Variants in TFDP1 observed in about 807,000 individuals in gnomAD.
TFDP1 encodes transcription factor Dp-1.
In TFDP1, 6 loss-of-function variants were observed where a neutral mutation model predicts 48.0. The observed-to-expected ratio is 0.13, with a 90% CI of 0.07 to 0.25. TFDP1 has a LOEUF of 0.25. TFDP1 is among the 10% of genes least tolerant of loss of function. The probability of loss-of-function intolerance (pLI) is 1.00; values close to 1 mark genes in which losing one functional copy is unlikely to be tolerated. For missense variants in TFDP1, 335 were observed against 543.0 expected, an observed-to-expected ratio of 0.62 and a Z score of 3.81; for synonymous variants, 201 against 211.6, an observed-to-expected ratio of 0.95 and a Z score of 0.44.
chr13:113,595,119 G>C (rs1041016927), intron 2 of TFDP1, among the ~76,000 whole-genome samples: 1 of 152,088 alleles, frequency 6.6e-6, no homozygotes, highest in Non-Finnish European at 1.5e-5. Context: ...GGTACGTTGG[G>C]GAGTCGTAGA....
At chr13:113,622,976 GGCCCTGCGGCCCTCCCCTTA>G (rs1566663788) in intron 3 of TFDP1, among the ~76,000 whole-genome samples, 184 bp from the exon 4 acceptor site, 1 of 152,268 alleles carries the variant, frequency 6.6e-6, no homozygotes, top group South Asian at 2.1e-4. Context: ...GCGTCAGCGC[GGCCCTGCGGCCCTCCCCTTA>G]CGGGTTTACA....
At chr13:113,597,716 G>A (rs536593686) in intron 2 of TFDP1, among the ~76,000 whole-genome samples, 26 of 152,344 alleles carry the variant, frequency 1.7e-4, no homozygotes, top group Non-Finnish European at 3.1e-4. Flanking sequence ...AGGCCTGGGC[G>A]CTGTGTAAGA....
intron 2 of TFDP1, among the ~76,000 whole-genome samples, chr13:113,596,168 A>G (rs572087804): frequency 3.9e-5 from 6 of 152,358 alleles, no homozygotes; most frequent in African/African-American, 1.4e-4. Context: ...AGAAAAATCA[A>G]GGCTTGAATG....
chr13:113,616,203 C>CA (rs759656354), intron 3 of TFDP1, among the ~76,000 whole-genome samples: 3,773 of 74,946 alleles, frequency 0.05, 110 homozygotes, highest in East Asian at 0.17. Flanking sequence ...ACTCTGTCTC[C>CA]AAAAAAAAAA....
At chr13:113,617,043 T>C (rs2048875988) in intron 3 of TFDP1, among the ~76,000 whole-genome samples, 1 of 152,018 alleles carries the variant, frequency 6.6e-6, no homozygotes, top group Non-Finnish European at 1.5e-5. Flanking sequence ...CTTTGTGTGT[T>C]TGTATAGAGA....
intron 10 of TFDP1, among the ~76,000 whole-genome samples, chr13:113,637,452 C>T (rs191376791): frequency 6.6e-6 from 1 of 152,340 alleles, no homozygotes; most frequent in East Asian, 1.9e-4. Flanking sequence ...GCCTCTGTCC[C>T]GTGCTTCATG....
chr13:113,631,357 C>T (rs775388164), intron 4 of TFDP1, among the ~76,000 whole-genome samples: 4 of 152,134 alleles, frequency 2.6e-5, no homozygotes, highest in Non-Finnish European at 4.4e-5. Flanking sequence ...TTGCTTGGGT[C>T]GTCCGAAGTT....
chr13:113,599,259 G>A (rs116372829), intron 2 of TFDP1, among the ~76,000 whole-genome samples: 1,949 of 152,144 alleles, frequency 0.013, 42 homozygotes, highest in African/African-American at 0.045. Flanking sequence ...GAGAGATTGT[G>A]CTGGTGCCTC....
intron 4 of TFDP1, among the ~76,000 whole-genome samples, chr13:113,625,913 GTC>G (rs1381468606): frequency 7.2e-6 from 1 of 139,616 alleles, no homozygotes; most frequent in East Asian, 2.2e-4. Flanking sequence ...GTCCTCAGGT[GTC>G]TCTCACGTGT....
intron 2 of TFDP1, among the ~76,000 whole-genome samples, chr13:113,604,178 AG>A: frequency 6.7e-6 from 1 of 150,348 alleles, no homozygotes; most frequent in African/African-American, 2.5e-5. Context: ...AAAAAAAAAA[AG>A]GCAAATTAAA....
chr13:113,604,920 A>G (rs373190590), intron 2 of TFDP1, among the ~76,000 whole-genome samples: 1 of 152,100 alleles, frequency 6.6e-6, no homozygotes, highest in East Asian at 1.9e-4. Context: ...AGCCCATGTG[A>G]GGAGGTTGTG....
intron 4 of TFDP1, 49 bp from the exon 5 acceptor site, chr13:113,631,574 C>T (rs779192112): frequency 5.7e-6 from 9 of 1,580,982 alleles, no homozygotes; most frequent in Middle Eastern, 1.9e-4. Context: ...ATGGCACCCT[C>T]GCCGTGTGGG....
intron 2 of TFDP1, among the ~76,000 whole-genome samples, chr13:113,588,240 G>A (rs902495862): frequency 6.6e-6 from 1 of 152,268 alleles, no homozygotes; most frequent in Non-Finnish European, 1.5e-5. Context: ...TGTGCCACTT[G>A]GGTTGAAGGA....
At position 113,623,181 on chromosome 13, in the gene TFDP1, C is replaced by T. The variant is rs139600212; in HGVS notation, c.81C>T (p.Gly27=). The change falls in exon 4 of 12, where the codon GGC becomes GGT. Residue 27 remains glycine, a splice_region_variant and synonymous_variant. Transcript: ENST00000375370. This position sits in a 1 kb window ranked among gnomAD's most constrained non-coding sequence, Gnocchi z 5.2. Reference sequence around the variant, plus strand: ...TGACCTGGTGTCCTTGTGTTGCAGGCGTGGTGTCCCTCGTGGCCGTTCACC... The same window carrying T: ...TGACCTGGTGTCCTTGTGTTGCAGGTGTGGTGTCCCTCGTGGCCGTTCACC... ...FIDQNLSPGK[G]VVSLVAVHPS... is the part of the protein sequence containing the mutation. 68 of 1,612,176 alleles carry T rather than the reference C, an allele frequency of 4.2e-5. No homozygotes were observed. Among genetic ancestry groups the T allele is most frequent in the African/African-American group, 6.7e-5 (5 of 74,884 alleles).
intron 3 of TFDP1, among the ~76,000 whole-genome samples, chr13:113,613,707 G>A (rs1447502402): frequency 9.6e-5 from 14 of 146,230 alleles, no homozygotes; most frequent in South Asian, 6.6e-4. Context: ...GCGTGAATGC[G>A]TGGGTATGTG....
At chr13:113,630,563 C>A (rs1488908421) in intron 4 of TFDP1, among the ~76,000 whole-genome samples, 1 of 152,284 alleles carries the variant, frequency 6.6e-6, no homozygotes, top group South Asian at 2.1e-4. Context: ...GTGTCCAGCT[C>A]CAATCCCTTT....
chr13:113,590,524 C>T (rs1476748801), intron 2 of TFDP1, among the ~76,000 whole-genome samples: 1 of 152,160 alleles, frequency 6.6e-6, no homozygotes, highest in Non-Finnish European at 1.5e-5. Flanking sequence ...CTCAGGCCTT[C>T]TTTTGTCCTC....
intron 3 of TFDP1, among the ~76,000 whole-genome samples, chr13:113,614,083 A>T (rs1237605961): frequency 6.7e-6 from 1 of 149,626 alleles, no homozygotes; most frequent in African/African-American, 2.5e-5. Flanking sequence ...TGTGCATGAG[A>T]TGTATGTGAG....
chr13:113,601,524 G>T (rs1022475501), intron 2 of TFDP1, among the ~76,000 whole-genome samples: 2 of 152,196 alleles, frequency 1.3e-5, no homozygotes, highest in Admixed American at 1.3e-4. Flanking sequence ...TGGGAGCAGG[G>T]CAGGGCAGCC....
Sources: gnomAD v4.1 joint callset for allele counts (sites outside exome capture counted in the v4.1 genomes callset) on GRCh38, gnomAD v4.1.1 for gene constraint, Gnocchi (gnomAD v3.1) non-coding constraint, MANE v1.5 for transcripts, NCBI Gene and HGNC (gene_info 2026-07-23, HGNC 2026-07-21) for gene names.